The following VSTM4 variants were observed in gnomAD, a reference collection of about 807,000 sequenced individuals.
VSTM4 encodes the protein V-set and transmembrane domain-containing protein 4.
Under a neutral mutation model 36.4 loss-of-function variants are expected in VSTM4, and 20 were observed. The observed-to-expected ratio is 0.55, with a 90% CI of 0.39 to 0.80. VSTM4 has a LOEUF of 0.80. VSTM4 is among the 30% of genes least tolerant of loss of function. The probability of loss-of-function intolerance (pLI) is 0.00; values close to 1 mark genes in which losing one functional copy is unlikely to be tolerated. For synonymous variants in VSTM4, 182 were observed against 173.9 expected (o/e 1.05, Z -0.37); for missense variants, 392 against 404.5 (o/e 0.97, Z 0.26).
At position 49,017,720 on chromosome 10, in the gene VSTM4, TC is replaced by T. The variant is rs1304572119; in HGVS notation, c.*1929del. On this transcript the variant is annotated 3_prime_UTR_variant, in exon 8 of 8. Coordinates refer to ENST00000332853, the MANE Select transcript of VSTM4 (RefSeq NM_001031746.5). Reference sequence around the variant, plus strand: ...TTCCTTTTCATGTGCCCCCTCTCCTTCCCATTTGGCACCCCCAGAGCCCCAC... The same window carrying T: ...TTCCTTTTCATGTGCCCCCTCTCCTTCCATTTGGCACCCCCAGAGCCCCAC... 6.6e-6 allele frequency: 1 copy of T among 152,162 alleles called. No individual in the cohort carries two copies. The allele number at this position is 152,162 out of a possible 1,614,324, so 9.4% of individuals were successfully genotyped here. A position where few individuals can be genotyped will look rare whatever the true frequency, so the allele number is the denominator to read the frequency against.
chr10:49,091,236 T>C, intron 2 of VSTM4, among the ~76,000 whole-genome samples: 1 of 152,152 alleles, frequency 6.6e-6, no homozygotes, highest in Non-Finnish European at 1.5e-5. Context: ...TAGCACCCAA[T>C]GGGCAGAGCC....
chr10:49,061,395 C>T (rs1326716175), intron 5 of VSTM4, among the ~76,000 whole-genome samples: 1 of 151,992 alleles, frequency 6.6e-6, no homozygotes, highest in African/African-American at 2.4e-5. Flanking sequence ...CAATTGGGCA[C>T]CATTGGTTGA....
At chr10:49,024,759 T>G (rs923985700) in intron 7 of VSTM4, among the ~76,000 whole-genome samples, 1 of 152,196 alleles carries the variant, frequency 6.6e-6, no homozygotes, top group Non-Finnish European at 1.5e-5. Flanking sequence ...CACGCATATG[T>G]GCACGTTCTG....
At chr10:49,032,310 G>T (rs561826382) in intron 7 of VSTM4, among the ~76,000 whole-genome samples, 1 of 150,936 alleles carries the variant, frequency 6.6e-6, no homozygotes, top group Admixed American at 6.6e-5. Flanking sequence ...GTGTAGAGCC[G>T]GCCTCTGACC....
At chr10:49,074,418 C>G (rs1844137169) in intron 4 of VSTM4, among the ~76,000 whole-genome samples, 1 of 152,208 alleles carries the variant, frequency 6.6e-6, no homozygotes, top group South Asian at 2.1e-4. Context: ...ACACCAGCAG[C>G]AGAGCTGGCT....
In VSTM4 at chr10:49,111,188, G is replaced by A. The variant is rs186648222; in HGVS notation, c.56-3193C>T. On this transcript the variant is annotated intron_variant, in intron 1 of 7. Transcript: ENST00000332853. ...TGGGGCAAAGCAGGAGGGAGGAGAG[G>A]GAATGCAGTTAGGGCACCCAGGGGC... 3.3e-5 allele frequency among the ~76,000 whole-genome samples: 5 copies of A among 152,350 alleles called. No individual in the cohort carries two copies. The East Asian group carries it at 9.6e-4, about 29-fold the overall frequency.
rs559955009 is a variant in VSTM4, at chr10:49,102,389, C to G, written c.457+5205G>C. Reference sequence around the variant, plus strand: ...GACTTCGTGATCCACCCACCTCGGCCTCCCAAAGTGCTGGGATTACAGGCG... The same window carrying G: ...GACTTCGTGATCCACCCACCTCGGCGTCCCAAAGTGCTGGGATTACAGGCG... On this transcript the variant is annotated intron_variant, in intron 2 of 7. Transcript: ENST00000332853. 19 of 984,170 alleles carry G rather than the reference C, an allele frequency of 1.9e-5. No homozygotes were observed. The African/African-American group carries it at 3.1e-4, about 16-fold the overall frequency. 61.0% of individuals were successfully genotyped at this position (984,170 alleles called of 1,614,324 possible).
chr10:49,039,587 C>T (rs1032009972), intron 7 of VSTM4, among the ~76,000 whole-genome samples: 2 of 152,046 alleles, frequency 1.3e-5, no homozygotes, highest in Admixed American at 6.5e-5. Flanking sequence ...TGGCCTGACC[C>T]CCTCAGCTAC....
intron 1 of VSTM4, among the ~76,000 whole-genome samples, chr10:49,109,839 C>G (rs1210032265): frequency 3.9e-5 from 6 of 152,234 alleles, no homozygotes; most frequent in Admixed American, 3.9e-4. Context: ...TCCTGCAAGG[C>G]AAATGAAGAG....
At chr10:49,060,720 T>G (rs1420795046) in intron 5 of VSTM4, among the ~76,000 whole-genome samples, 1 of 152,222 alleles carries the variant, frequency 6.6e-6, no homozygotes, top group East Asian at 1.9e-4. Flanking sequence ...TTATGGATTC[T>G]GTGTTTAGTA....
intron 3 of VSTM4, among the ~76,000 whole-genome samples, chr10:49,084,288 G>A (rs1844332015): frequency 6.6e-6 from 1 of 152,250 alleles, no homozygotes; most frequent in South Asian, 2.1e-4. Flanking sequence ...AAAGAAAAAG[G>A]CAACTACAAA....
At chr10:49,101,164 T>C (rs781782459) in intron 2 of VSTM4, among the ~76,000 whole-genome samples, 1 of 152,124 alleles carries the variant, frequency 6.6e-6, no homozygotes, top group Admixed American at 6.5e-5. Flanking sequence ...GTACAATGTA[T>C]TGAATGTAAA....
At chr10:49,029,953 C>T (rs1486805533) in intron 7 of VSTM4, among the ~76,000 whole-genome samples, 2 of 152,180 alleles carry the variant, frequency 1.3e-5, no homozygotes, top group African/African-American at 4.8e-5. Context: ...ACTGGAACAC[C>T]TCCAGGGGGC....
At chr10:49,032,938 C>CTTT (rs10713552) in intron 7 of VSTM4, among the ~76,000 whole-genome samples, 2 of 143,302 alleles carry the variant, frequency 1.4e-5, no homozygotes, top group Non-Finnish European at 3.0e-5. Context: ...CACTCTGATT[C>CTTT]TTTTTTTTTT....
rs1468067879 is a variant in VSTM4 at position 49,015,154 on chromosome 10, C to T, written c.*4496G>A. Reference sequence around the variant, plus strand: ...TTTTTTTTTTTGAGACGGAATCTCACTCTATTGCCCAGGCTGGAGTGCAGC... The same window carrying T: ...TTTTTTTTTTTGAGACGGAATCTCATTCTATTGCCCAGGCTGGAGTGCAGC... On this transcript the variant is annotated 3_prime_UTR_variant, in exon 8 of 8. Coordinates refer to ENST00000332853, the MANE Select transcript of VSTM4 (RefSeq NM_001031746.5). The T allele has an allele frequency of 2.9e-4, 41 of 143,260 alleles. No homozygotes were observed. The Admixed American group carries it at 2.9e-3, about 10-fold the overall frequency. The allele number at this position is 143,260 out of a possible 1,614,324, so 8.9% of individuals were successfully genotyped here.
intron 2 of VSTM4, among the ~76,000 whole-genome samples, chr10:49,090,768 A>G (rs1844459235): frequency 6.6e-6 from 1 of 152,238 alleles, no homozygotes; most frequent in African/African-American, 2.4e-5. Context: ...CTGGTCTCCC[A>G]GCAAATAGCT....
intron 7 of VSTM4, among the ~76,000 whole-genome samples, chr10:49,031,859 G>A (rs1843350312): frequency 1.3e-5 from 2 of 152,048 alleles, no homozygotes; most frequent in African/African-American, 4.8e-5. Context: ...CCAGCCACAT[G>A]GATCTCCATG....
At chr10:49,030,205 A>G (rs1811515403) in intron 7 of VSTM4, among the ~76,000 whole-genome samples, 1 of 152,204 alleles carries the variant, frequency 6.6e-6, no homozygotes, top group Admixed American at 6.5e-5. Flanking sequence ...GTCTACTCTC[A>G]CCATCTCCTT....
At chr10:49,051,775 G>A (rs185568023) in intron 5 of VSTM4, among the ~76,000 whole-genome samples, 3 of 152,302 alleles carry the variant, frequency 2.0e-5, no homozygotes, top group East Asian at 3.9e-4. Context: ...CCTGCTGAAA[G>A]GCATCTCAGC....
Sources: gnomAD v4.1 joint callset for allele counts (sites outside exome capture counted in the v4.1 genomes callset) on GRCh38, gnomAD v4.1.1 for gene constraint, MANE v1.5 for transcripts, NCBI Gene and HGNC (gene_info 2026-07-23, HGNC 2026-07-21) for gene names.